The following SYT9 variants were observed in gnomAD, a reference collection of about 807,000 sequenced individuals.
SYT9 encodes the protein synaptotagmin-9.
A neutral mutation model predicts 48.4 loss-of-function variants in SYT9; 22 were observed. That is an observed-to-expected ratio of 0.45 (90% CI 0.32 to 0.65). The LOEUF is 0.65. Ranked by LOEUF, SYT9 falls within the 30% of genes least tolerant of loss-of-function variation. The probability of loss-of-function intolerance (pLI) is 0.03; values close to 1 mark genes in which losing one functional copy is unlikely to be tolerated. For synonymous variants in SYT9, 265 were observed against 245.0 expected (o/e 1.08, Z -0.76); for missense variants, 577 against 622.0 (o/e 0.93, Z 0.77).
intron 1 of SYT9, among the ~76,000 whole-genome samples, chr11:7,263,452 A>G (rs185005165): frequency 7.9e-5 from 12 of 152,246 alleles, no homozygotes; most frequent in East Asian, 5.8e-4. Flanking sequence ...TCAACATACA[A>G]ATTTGGGGAG....
intron 6 of SYT9, among the ~76,000 whole-genome samples, chr11:7,445,173 T>A (rs561345814): frequency 2.0e-5 from 3 of 152,354 alleles, no homozygotes; most frequent in African/African-American, 7.2e-5. Flanking sequence ...AAAAAATGAA[T>A]GTAACATGTT....
chr11:7,342,437 T>A (rs966391888), intron 3 of SYT9, among the ~76,000 whole-genome samples: 2 of 152,164 alleles, frequency 1.3e-5, no homozygotes, highest in African/African-American at 4.8e-5. Context: ...AAAGACCCCA[T>A]GGGAGTCTGA....
At chr11:7,365,403 A>G (rs1007198092) in intron 3 of SYT9, among the ~76,000 whole-genome samples, 3 of 152,174 alleles carry the variant, frequency 2.0e-5, no homozygotes, top group Non-Finnish European at 4.4e-5. Context: ...TTATGAGTCT[A>G]AACTATTTTT....
intron 3 of SYT9, among the ~76,000 whole-genome samples, chr11:7,374,894 T>C (rs2134036103): frequency 6.6e-6 from 1 of 152,354 alleles, no homozygotes; most frequent in Middle Eastern, 3.4e-3. Flanking sequence ...GATGATAGTT[T>C]CTTTCCCTGT....
chr11:7,424,419 C>G (rs1336416402), intron 6 of SYT9, among the ~76,000 whole-genome samples: 1 of 152,192 alleles, frequency 6.6e-6, no homozygotes, highest in Non-Finnish European at 1.5e-5. Context: ...CCCTCCTCCA[C>G]CAATTCAAGA....
chr11:7,258,061 G>A (rs545522478), intron 1 of SYT9, among the ~76,000 whole-genome samples: 4 of 152,316 alleles, frequency 2.6e-5, no homozygotes, highest in African/African-American at 7.2e-5. Context: ...TTTCTATTAT[G>A]TATAGAGCAT....
At chr11:7,425,339 G>C (rs1456222302) in intron 6 of SYT9, among the ~76,000 whole-genome samples, 2 of 152,200 alleles carry the variant, frequency 1.3e-5, no homozygotes, top group African/African-American at 2.4e-5. Flanking sequence ...AAAGTGAGGA[G>C]TGAGAGGCTT....
chr11:7,437,731 A>G (rs1349177965), intron 6 of SYT9: 1 of 152,196 alleles, frequency 6.6e-6, no homozygotes, highest in Non-Finnish European at 1.5e-5. Context: ...AGAACACTAC[A>G]TGCCTGAGTT....
chr11:7,465,716 C>T (rs185892311), intron 6 of SYT9: 163 of 159,692 alleles, frequency 1.0e-3, no homozygotes, highest in Non-Finnish European at 6.5e-4. Flanking sequence ...AAGACATATC[C>T]GAGAGTGGGA....
At chr11:7,360,008 C>G (rs2134014329) in intron 3 of SYT9, among the ~76,000 whole-genome samples, 1 of 151,630 alleles carries the variant, frequency 6.6e-6, no homozygotes, top group Admixed American at 6.6e-5. Flanking sequence ...GTCTTTAATC[C>G]ATCTTGAATT....
At chr11:7,302,994 T>C (rs1489405632) in intron 1 of SYT9, 45 bp from the exon 2 acceptor site, 2 of 1,564,678 alleles carry the variant, frequency 1.3e-6, no homozygotes, top group Admixed American at 3.4e-5. Flanking sequence ...TGGGTGGGCT[T>C]GAGGGGAATG....
Position 7,314,370 on chromosome 11 carries a change from A to G in SYT9, c.1044+429A>G, listed in dbSNP as rs374107161. On this transcript the variant is annotated intron_variant, in intron 3 of 6. Coordinates refer to ENST00000318881, the MANE Select transcript of SYT9 (RefSeq NM_175733.4). Reference sequence around the variant, plus strand: ...CTTACCTGTCTTCTGAGGTTGGCTCAAGAGCATTTCCCATGATTGGATCCT... The same window carrying G: ...CTTACCTGTCTTCTGAGGTTGGCTCGAGAGCATTTCCCATGATTGGATCCT... The G allele has an allele frequency of 8.8e-3, 2,638 of 300,082 alleles. 129 individuals carry two copies. The highest frequency in any genetic ancestry group is 0.076 in the South Asian group (2,542 of 33,366). The allele number at this position is 300,082 out of a possible 1,614,324, so 18.6% of individuals were successfully genotyped here.
rs141196550 is a variant in SYT9 at position 7,241,207 on chromosome 11, AACACACAC to A, written c.49+2314_49+2321del. 5.5e-5 allele frequency among the ~76,000 whole-genome samples: 8 copies of A among 144,202 alleles called. No homozygotes were observed. In the East Asian group the frequency reaches 6.1e-4, roughly 11 times the overall value. 94.6% of individuals were successfully genotyped at this position (144,202 alleles called of 152,430 possible). ...ACAAGAAGGAAGAGGTGTTATTTAA[AACACACAC>A]ACACACACACACACACACACACGCA... On this transcript the variant is annotated intron_variant and NMD_transcript_variant, in intron 1 of 8. Coordinates refer to the SYT9 transcript ENST00000524820.
At chr11:7,416,690 G>A (rs1408340252) in intron 4 of SYT9, among the ~76,000 whole-genome samples, 2 of 152,162 alleles carry the variant, frequency 1.3e-5, no homozygotes, top group Non-Finnish European at 2.9e-5. Flanking sequence ...TAGGTTATAT[G>A]CAAATACGAT....
chr11:7,261,587 G>T (rs945106611), intron 1 of SYT9, among the ~76,000 whole-genome samples: 1 of 152,092 alleles, frequency 6.6e-6, no homozygotes, highest in African/African-American at 2.4e-5. Context: ...TAAGTGCTAA[G>T]GGAAAAAACA....
intron 3 of SYT9, among the ~76,000 whole-genome samples, chr11:7,374,200 C>G (rs1183156974): frequency 6.6e-6 from 1 of 152,078 alleles, no homozygotes; most frequent in Admixed American, 6.6e-5. Flanking sequence ...TGTTAGTTTG[C>G]TGAGAATGAT....
At chr11:7,454,292 T>C (rs778021364) in intron 6 of SYT9, 6 of 985,388 alleles carry the variant, frequency 6.1e-6, no homozygotes, top group Non-Finnish European at 7.2e-6. Context: ...GAATGGTCTT[T>C]TTTGCATCTC....
At chr11:7,392,851 G>T (rs907051313) in intron 3 of SYT9, among the ~76,000 whole-genome samples, 11 of 151,994 alleles carry the variant, frequency 7.2e-5, no homozygotes, top group East Asian at 3.9e-4. Context: ...TATTTTTTGT[G>T]TGTGTGTGTA....
At chr11:7,290,463 T>C (rs1848679820) in intron 1 of SYT9, among the ~76,000 whole-genome samples, 1 of 152,184 alleles carries the variant, frequency 6.6e-6, no homozygotes, top group African/African-American at 2.4e-5. Flanking sequence ...ACTATACTGC[T>C]CTGCCTGCGT....
Sources: allele counts gnomAD v4.1 joint callset (sites outside exome capture counted in the v4.1 genomes callset), GRCh38; gene constraint gnomAD v4.1.1; transcripts MANE v1.5; gene names NCBI Gene and HGNC (gene_info 2026-07-23, HGNC 2026-07-21).